Variants in SAMD12 observed in about 807,000 individuals in gnomAD.
The protein encoded by SAMD12 is sterile alpha motif domain containing 12.
SAMD12 carries 9 observed loss-of-function variants against 15.0 expected under a neutral mutation model. The observed-to-expected ratio is 0.60, with a 90% confidence interval of 0.36 to 1.05. SAMD12 has a LOEUF of 1.05. Ranked by LOEUF, SAMD12 falls within the 50% of genes least tolerant of loss-of-function variation. SAMD12 has a pLI of 0.01. For missense variants in SAMD12, 230 were observed against 234.2 expected (o/e 0.98, Z 0.12); for synonymous variants, 86 against 90.1 (o/e 0.96, Z 0.25).
chr8:118,549,020 C>T (rs1300255589), intron 2 of SAMD12, among the ~76,000 whole-genome samples: 2 of 152,244 alleles, frequency 1.3e-5, no homozygotes, highest in African/African-American at 4.8e-5. Context: ...AACGAAGCAG[C>T]CAGGAAGCTG....
At chr8:118,569,093 G>A (rs967542484) in intron 2 of SAMD12, among the ~76,000 whole-genome samples, 1 of 152,076 alleles carries the variant, frequency 6.6e-6, no homozygotes, top group Non-Finnish European at 1.5e-5. Context: ...TTTGGCATTT[G>A]GCCAAAATGC....
intron 2 of SAMD12, among the ~76,000 whole-genome samples, chr8:118,571,115 T>C (rs1382594224): frequency 2.0e-5 from 3 of 152,122 alleles, no homozygotes; most frequent in Non-Finnish European, 4.4e-5. Context: ...ATAAATACAA[T>C]AAATTGGTAC....
chr8:118,497,417 T>C lies in SAMD12; in HGVS notation c.193-57456A>G, dbSNP rs981916781. The stretch of plus-strand genomic sequence containing the variant: ...AAAAATGAAATAATGTTCTTTGCAG[T>C]AACATGAATGCAGCTTCAGGTCATT... On this transcript the variant is annotated intron_variant, in intron 2 of 3. Coordinates refer to ENST00000314727, the MANE Select transcript of SAMD12 (RefSeq NM_207506.3). 4.6e-5 allele frequency among the ~76,000 whole-genome samples: 7 copies of C among 152,182 alleles called. No individual in the cohort carries two copies. The South Asian group carries it at 1.5e-3, about 32-fold the overall frequency.
intron 1 of SAMD12, among the ~76,000 whole-genome samples, chr8:118,617,241 T>C (rs911669092): frequency 3.9e-5 from 6 of 152,378 alleles, no homozygotes; most frequent in Admixed American, 3.9e-4. Context: ...AAGTCATCAT[T>C]TATGGGGCTG....
intron 4 of SAMD12, among the ~76,000 whole-genome samples, chr8:118,335,863 A>C (rs759437858): frequency 1.6e-4 from 25 of 152,078 alleles, no homozygotes; most frequent in Non-Finnish European, 3.7e-4. Context: ...CAGCCTCCCT[A>C]GTAGCTGGGA....
intron 1 of SAMD12, among the ~76,000 whole-genome samples, chr8:118,593,155 A>C (rs778418691): frequency 1.3e-5 from 2 of 152,216 alleles, no homozygotes; most frequent in East Asian, 1.9e-4. Context: ...TAACATATAT[A>C]TATTTTTTGT....
chr8:118,511,437 CTT>C (rs1490706825), intron 2 of SAMD12, among the ~76,000 whole-genome samples: 1 of 146,696 alleles, frequency 6.8e-6, no homozygotes, highest in African/African-American at 2.5e-5. Flanking sequence ...TTGGAAACCT[CTT>C]GTTTTTGTTT....
chr8:118,276,170 T>C (rs1813469847), intron 4 of SAMD12, among the ~76,000 whole-genome samples: 1 of 152,248 alleles, frequency 6.6e-6, no homozygotes, highest in South Asian at 2.1e-4. Flanking sequence ...AGGCCAACCT[T>C]CTTCCTTGCA....
Position 118,531,279 on chromosome 8 carries a change from T to C in SAMD12, c.192+49436A>G, listed in dbSNP as rs183914913. ...TTTCTGAGGCTTCTATTCTGTTCCA[T>C]TGGTCTATATCTCTGTTTTGGTACC... On this transcript the variant is annotated intron_variant, in intron 2 of 3. Transcript: ENST00000314727. Among the ~76,000 whole-genome samples, 4 of 152,338 alleles carry C rather than the reference T, an allele frequency of 2.6e-5. No homozygotes were observed. In the East Asian group the frequency reaches 7.7e-4, roughly 29 times the overall value.
the SAMD12 span, among the ~76,000 whole-genome samples, chr8:118,183,119 T>C: frequency 6.6e-6 from 1 of 152,230 alleles, no homozygotes; most frequent in Non-Finnish European, 1.5e-5. Context: ...AAGACTGGAC[T>C]TTGTACAATC....
At chr8:118,143,103 T>A in the SAMD12 span, among the ~76,000 whole-genome samples, 1 of 152,120 alleles carries the variant, frequency 6.6e-6, no homozygotes, top group African/African-American at 2.4e-5. Context: ...TTAAAGGGAT[T>A]CCTAAAGGTT....
chr8:118,138,393 G>A, the SAMD12 span, among the ~76,000 whole-genome samples: 2 of 152,216 alleles, frequency 1.3e-5, no homozygotes, highest in African/African-American at 4.8e-5. Flanking sequence ...CCATTGGGAG[G>A]AGATTTGTTC....
chr8:118,485,307 T>C (rs1824246332), intron 2 of SAMD12, among the ~76,000 whole-genome samples: 1 of 152,090 alleles, frequency 6.6e-6, no homozygotes, highest in Non-Finnish European at 1.5e-5. Flanking sequence ...ACACAAAAGC[T>C]GCAATGACAC....
At chr8:118,599,355 T>G (rs1586847524) in intron 1 of SAMD12, among the ~76,000 whole-genome samples, 1 of 152,276 alleles carries the variant, frequency 6.6e-6, no homozygotes, top group South Asian at 2.1e-4. Context: ...TGAACTTCCT[T>G]TTAGTTCTAC....
At chr8:118,449,970 C>T (rs949749524) in intron 2 of SAMD12, among the ~76,000 whole-genome samples, 28 of 152,072 alleles carry the variant, frequency 1.8e-4, no homozygotes. Flanking sequence ...AGTGGTAAGT[C>T]CTGTCATTTA....
At chr8:118,580,943 G>A (rs987652627) in intron 1 of SAMD12, 50 bp from the exon 2 acceptor site, 4 of 1,446,476 alleles carry the variant, frequency 2.8e-6, no homozygotes, top group Non-Finnish European at 3.8e-6. Context: ...CATAAAGAAG[G>A]TGTCCATGAC....
At chr8:118,144,343 T>C in the SAMD12 span, among the ~76,000 whole-genome samples, 1 of 152,220 alleles carries the variant, frequency 6.6e-6, no homozygotes, top group African/African-American at 2.4e-5. Flanking sequence ...ACTTCTATTA[T>C]TGCACATATT....
chr8:118,363,940 T>C (rs906277250), intron 4 of SAMD12, among the ~76,000 whole-genome samples: 1 of 152,194 alleles, frequency 6.6e-6, no homozygotes, highest in Non-Finnish European at 1.5e-5. Context: ...CAGTATTAGC[T>C]CCAGACTTCC....
downstream of SAMD12, among the ~76,000 whole-genome samples, chr8:118,377,425 C>G (rs1819445022): frequency 6.6e-6 from 1 of 151,806 alleles, no homozygotes; most frequent in African/African-American, 2.4e-5. Flanking sequence ...AACCAAAAAC[C>G]TATGTAAAGA....
Sources: gnomAD v4.1 joint callset for allele counts (sites outside exome capture counted in the v4.1 genomes callset) on GRCh38, gnomAD v4.1.1 for gene constraint, MANE v1.5 for transcripts, NCBI Gene and HGNC (gene_info 2026-07-23, HGNC 2026-07-21) for gene names.